Variants in ATOSB observed in about 807,000 individuals in gnomAD.
ATOSB encodes the protein atos homolog B.
chr9:35,115,741 C>T, the ATOSB span: 2 of 152,218 alleles, frequency 1.3e-5, no homozygotes, highest in East Asian at 3.9e-4. Context: ...ACAGCAGTCT[C>T]CAGATCGTCT....
the ATOSB span, among the ~76,000 whole-genome samples, chr9:35,115,254 C>T: frequency 2.0e-5 from 3 of 152,056 alleles, no homozygotes; most frequent in Non-Finnish European, 4.4e-5. Flanking sequence ...CTCTGAGTGC[C>T]CAGGCCAGAA....
At chr9:35,115,493 A>C in the ATOSB span, among the ~76,000 whole-genome samples, 2 of 150,328 alleles carry the variant, frequency 1.3e-5, no homozygotes, top group Non-Finnish European at 3.0e-5. Flanking sequence ...ACACCGCTAC[A>C]CTCCTTCTCC....
the ATOSB span, chr9:35,106,370 A>T: frequency 6.2e-7 from 1 of 1,614,116 alleles, no homozygotes; most frequent in Non-Finnish European, 8.5e-7. This position sits in a 1 kb window ranked among gnomAD's most constrained non-coding sequence, Gnocchi z 4.6. Context: ...GAAGCCCTCA[A>T]TGTGGCCAGA....
At chr9:35,109,872 A>AC in the ATOSB span, 2 of 152,424 alleles carry the variant, frequency 1.3e-5, no homozygotes, top group African/African-American at 4.8e-5. Context: ...TCTGTGTCCC[A>AC]CCCCTCCATC....
At chr9:35,105,846 G>T in the ATOSB span, 1 of 1,614,190 alleles carries the variant, frequency 6.2e-7, no homozygotes, top group Non-Finnish European at 8.5e-7. The surrounding 1 kb of genome is among the most constrained non-coding windows in gnomAD (Gnocchi z 5.5). Context: ...TCTGGTTGGG[G>T]TTAAATAAGG....
chr9:35,110,357 C>A, the ATOSB span: 8 of 152,464 alleles, frequency 5.2e-5, no homozygotes, highest in African/African-American at 1.9e-4. Flanking sequence ...ACTTCCAGGT[C>A]ATCCCAGTTG....
chr9:35,110,142 A>C, the ATOSB span: 1 of 152,118 alleles, frequency 6.6e-6, no homozygotes, highest in Non-Finnish European at 1.5e-5. Context: ...ATTTCACCAA[A>C]TTCTCCTAAG....
At chr9:35,111,921 C>T in the ATOSB span, among the ~76,000 whole-genome samples, 3 of 152,214 alleles carry the variant, frequency 2.0e-5, no homozygotes, top group African/African-American at 7.2e-5. Context: ...CCCGCCCTTC[C>T]TCCTTCCAGG....
chr9:35,108,091 G>A, the ATOSB span: 13 of 1,546,840 alleles, frequency 8.4e-6, no homozygotes, highest in Non-Finnish European at 1.1e-5. Context: ...GCCCTATGAG[G>A]CTCAGAGGTA....
the ATOSB span, chr9:35,107,809 G>A: frequency 6.3e-6 from 10 of 1,585,474 alleles, no homozygotes; most frequent in Non-Finnish European, 8.6e-6. Flanking sequence ...TCTCTGGTGT[G>A]CAAAGTATTG....
At chr9:35,112,876 A>T in the ATOSB span, among the ~76,000 whole-genome samples, 4 of 152,010 alleles carry the variant, frequency 2.6e-5, no homozygotes, top group Non-Finnish European at 4.4e-5. Context: ...GATAGTAAAA[A>T]GAGGCTCCTT....
chr9:35,104,652 GA>G, the ATOSB span: 1 of 424,194 alleles, frequency 2.4e-6, no homozygotes, highest in Non-Finnish European at 4.9e-6. Flanking sequence ...AGGGACTGGG[GA>G]AGGACAGGGG....
the ATOSB span, chr9:35,106,579 G>C: frequency 6.4e-7 from 1 of 1,571,014 alleles, no homozygotes; most frequent in Non-Finnish European, 8.6e-7. This position sits in a 1 kb window ranked among gnomAD's most constrained non-coding sequence, Gnocchi z 4.6. Flanking sequence ...GCAGGGGTAG[G>C]AACAGGGGAG....
the ATOSB span, chr9:35,105,212 T>C: frequency 6.2e-7 from 1 of 1,607,466 alleles, no homozygotes; most frequent in Non-Finnish European, 8.5e-7. This position sits in a 1 kb window ranked among gnomAD's most constrained non-coding sequence, Gnocchi z 5.5. Flanking sequence ...GGGTTCAGAG[T>C]GCTGGCAATC....
At chr9:35,115,170 C>G in the ATOSB span, among the ~76,000 whole-genome samples, 1 of 152,070 alleles carries the variant, frequency 6.6e-6, no homozygotes, top group South Asian at 2.1e-4. Context: ...AAACCCCAGT[C>G]TCAGCTGGAC....
the ATOSB span, chr9:35,107,950 G>T: frequency 6.2e-7 from 1 of 1,605,414 alleles, no homozygotes; most frequent in South Asian, 1.1e-5. Flanking sequence ...CCTAGTCCCA[G>T]CCCCGGTCCC....
At chr9:35,106,413 G>A in the ATOSB span, 1 of 1,614,140 alleles carries the variant, frequency 6.2e-7, no homozygotes, top group Non-Finnish European at 8.5e-7. The surrounding 1 kb of genome is among the most constrained non-coding windows in gnomAD (Gnocchi z 4.6). Context: ...AATGATTCCT[G>A]GGATTAGGGT....
chr9:35,110,352 C>T, the ATOSB span: 1 of 152,434 alleles, frequency 6.6e-6, no homozygotes, highest in Non-Finnish European at 1.5e-5. Flanking sequence ...CCACCACTTC[C>T]AGGTCATCCC....
the ATOSB span, chr9:35,107,886 C>A: frequency 1.9e-6 from 3 of 1,594,022 alleles, no homozygotes; most frequent in Admixed American, 5.3e-5. Context: ...GGTGACACTA[C>A]TTCTCTGTTC....
Sources: gnomAD v4.1 joint callset for allele counts (sites outside exome capture counted in the v4.1 genomes callset) on GRCh38, gnomAD v4.1.1 for gene constraint, Gnocchi (gnomAD v3.1) non-coding constraint, MANE v1.5 for transcripts, NCBI Gene and HGNC (gene_info 2026-07-23, HGNC 2026-07-21) for gene names.